Variants in CPZ observed in about 807,000 individuals in gnomAD.
CPZ encodes carboxypeptidase Z, also known as VEZT/CPZ fusion.
CPZ carries 103 observed loss-of-function variants against 61.8 expected under a neutral mutation model. The observed-to-expected ratio is 1.67, with a 90% CI of 1.42 to 1.96. CPZ has a LOEUF of 1.96. Among genes scored for constraint, CPZ ranks in the 30% most tolerant of loss-of-function variants. The pLI is 0.00. For missense variants in CPZ, 1,461 were observed against 914.9 expected (o/e 1.60, Z -7.70); for synonymous variants, 551 against 373.7 (o/e 1.47, Z -5.47).
rs1285400936 is a variant in CPZ at position 8,601,169 on chromosome 4, C to T, written c.168C>T (p.Tyr56=). ...TCAGGACCTGCAGCGATGCCGCCTA[C>T]AACCACACCACCTTCCCCAACCTGC... ...LQLRTCSDAA[Y]NHTTFPNLLQ... The change falls in exon 3 of 11, where the codon TAC becomes TAT. Residue 56 remains tyrosine (Y), a synonymous_variant. Transcript: ENST00000360986. 8.7e-6 allele frequency: 14 copies of T among 1,605,736 alleles called. No homozygotes were observed. Among genetic ancestry groups the T allele is most frequent in the South Asian group, 3.3e-5 (3 of 90,494 alleles).
At chr4:8,608,541 G>T (rs757600207) in intron 7 of CPZ, among the ~76,000 whole-genome samples, 19 of 151,942 alleles carry the variant, frequency 1.3e-4, no homozygotes, top group African/African-American at 1.9e-4. Context: ...ATGCAAACGG[G>T]ACTGGTCCCT....
At position 8,614,477 on chromosome 4, in the gene CPZ, A is replaced by G. The variant is rs764271670; in HGVS notation, c.1482A>G (p.Ser494=). 6.8e-6 allele frequency: 11 copies of G among 1,613,236 alleles called. No homozygotes were observed. The South Asian group carries it at 8.8e-5, about 13-fold the overall frequency. The change falls in exon 9 of 11, where the codon TCA becomes TCG. Residue 494 remains serine, a synonymous_variant. Coordinates refer to ENST00000360986, the MANE Select transcript of CPZ (RefSeq NM_001014447.3). ...LYILWQHNKE[S]LLNFVETVHR... is the part of the protein sequence containing the mutation. The stretch of plus-strand genomic sequence containing the variant: ...TACTCTGGCAGCACAACAAGGAGTC[A>G]CTCCTGAATTTCGTGGAGACGGTGA...
At chr4:8,614,194 C>T (rs111416881) in intron 8 of CPZ, among the ~76,000 whole-genome samples, 165 bp from the exon 9 acceptor site, 11 of 152,178 alleles carry the variant, frequency 7.2e-5, no homozygotes, top group African/African-American at 2.7e-4. Flanking sequence ...ACCTGCTGCA[C>T]TCACCTGCCT....
chr4:8,609,184 G>GCATTCACTCACTCCCTCATTCACT (rs796375066), intron 7 of CPZ, among the ~76,000 whole-genome samples: 3 of 109,324 alleles, frequency 2.7e-5, no homozygotes, highest in African/African-American at 9.8e-5. Context: ...ATTCACTCAG[G>GCATTCACTCACTCCCTCATTCACT]CATTCACTCA....
At chr4:8,613,557 G>A (rs1432895812) in intron 8 of CPZ, among the ~76,000 whole-genome samples, 2 of 152,232 alleles carry the variant, frequency 1.3e-5, no homozygotes, top group Non-Finnish European at 2.9e-5. Context: ...AGCAGCTGCA[G>A]GCTCTGCGGC....
chr4:8,606,935 G>C (rs373838218), intron 6 of CPZ, 37 bp downstream of exon 6: 38 of 1,550,450 alleles, frequency 2.5e-5, no homozygotes, highest in Non-Finnish European at 3.1e-5. Flanking sequence ...TCTCCACCAA[G>C]GCATCCAGGG....
At chr4:8,600,254 G>A (rs965167502) in intron 2 of CPZ, among the ~76,000 whole-genome samples, 2 of 152,184 alleles carry the variant, frequency 1.3e-5, no homozygotes, top group Admixed American at 1.3e-4. Flanking sequence ...TGGAATTACA[G>A]GCGTTAGCCA....
At chr4:8,613,676 G>A (rs1384035406) in intron 8 of CPZ, among the ~76,000 whole-genome samples, 1 of 152,222 alleles carries the variant, frequency 6.6e-6, no homozygotes, top group Non-Finnish European at 1.5e-5. Context: ...CATGGCTTCT[G>A]CTGAACAAGA....
At chr4:8,606,225 G>A (rs765259448) in intron 5 of CPZ, 40 bp downstream of exon 5, 18 of 1,566,910 alleles carry the variant, frequency 1.1e-5, no homozygotes, top group Non-Finnish European at 1.2e-5. Flanking sequence ...GCCACCGCCC[G>A]AACCACCCCC....
At chr4:8,611,381 T>TG (rs1328994065) in intron 7 of CPZ, 3 of 431,556 alleles carry the variant, frequency 7.0e-6, no homozygotes, top group Non-Finnish European at 1.4e-5. Context: ...GGGAAGCCTG[T>TG]GGGGAGGGAC....
Position 8,619,345 on chromosome 4 carries a change from A to G in CPZ, c.1687A>G (p.Lys563Glu). Residue 563 changes from lysine to glutamate, a missense_variant, in exon 11 of 11, where the codon AAG (lysine) becomes GAG (glutamate). Lys to Glu is a moderately conservative substitution (Grantham distance 56). Transcript: ENST00000360986. ...AQAPGYAKVIKKVIIPARMKR... is the reference protein window; with the variant it reads ...AQAPGYAKVIEKVIIPARMKR... ...AGCCCCTGGCTACGCCAAAGTCATCAAGAAAGTCATCATCCCCGCCCGGAT... is the reference window on the plus strand; with the variant it reads ...AGCCCCTGGCTACGCCAAAGTCATCGAGAAAGTCATCATCCCCGCCCGGAT... 6.2e-7 allele frequency: 1 copy of G among 1,614,134 alleles called. No homozygotes were observed. The highest frequency in any genetic ancestry group is 8.5e-7 in the Non-Finnish European group (1 of 1,179,998).
At chr4:8,614,814 AGCCTCAGAGGCTG>A (rs1388690286) in intron 9 of CPZ, among the ~76,000 whole-genome samples, 1 of 152,172 alleles carries the variant, frequency 6.6e-6, no homozygotes, top group Non-Finnish European at 1.5e-5. Context: ...TGTCTGACCC[AGCCTCAGAGGCTG>A]GGGGGGCTTC....
At chr4:8,605,576 C>T (rs1362522138) in intron 4 of CPZ, among the ~76,000 whole-genome samples, 1 of 144,510 alleles carries the variant, frequency 6.9e-6, no homozygotes, top group East Asian at 2.0e-4. Context: ...TCTATCCATC[C>T]AGCCATCCAG....
chr4:8,617,589 A>G (rs904839924), intron 9 of CPZ, among the ~76,000 whole-genome samples: 1 of 152,244 alleles, frequency 6.6e-6, no homozygotes, highest in South Asian at 2.1e-4. Context: ...GATCATTTTC[A>G]TAGTTTCTGG....
At chr4:8,593,441 G>T (rs1004549491) in intron 1 of CPZ, among the ~76,000 whole-genome samples, 2 of 152,306 alleles carry the variant, frequency 1.3e-5, no homozygotes, top group South Asian at 4.1e-4. Flanking sequence ...TCTGGGGCCC[G>T]GAGAGGGAAT....
chr4:8,618,377 G>A (rs1716382940), intron 9 of CPZ, 52 bp from the exon 10 acceptor site: 19 of 1,574,560 alleles, frequency 1.2e-5, no homozygotes, highest in Admixed American at 5.0e-5. Context: ...CGGCCTCCAC[G>A]CTCAGCAGGA....
chr4:8,593,286 C>T (rs567601874), intron 1 of CPZ, among the ~76,000 whole-genome samples: 1 of 152,152 alleles, frequency 6.6e-6, no homozygotes, highest in East Asian at 1.9e-4. Context: ...CATCTAAGGT[C>T]CCCGGGTCTT....
intron 1 of CPZ, among the ~76,000 whole-genome samples, chr4:8,593,806 C>T (rs1332695453): frequency 6.6e-6 from 1 of 152,202 alleles, no homozygotes; most frequent in Admixed American, 6.5e-5. Flanking sequence ...GACACTTTTC[C>T]TTTCCGTCCT....
intron 3 of CPZ, 42 bp downstream of exon 3, chr4:8,601,539 G>T: frequency 7.0e-7 from 1 of 1,428,886 alleles, no homozygotes; most frequent in Non-Finnish European, 9.2e-7. Context: ...ATGGGGTCCA[G>T]GTGGTCAAGG....
Sources: allele counts gnomAD v4.1 joint callset (sites outside exome capture counted in the v4.1 genomes callset), GRCh38; gene constraint gnomAD v4.1.1; transcripts MANE v1.5; gene names NCBI Gene and HGNC (gene_info 2026-07-23, HGNC 2026-07-21).